RSU1: variants seen among roughly 807,000 people sequenced by gnomAD.
The protein encoded by RSU1 is rsu-1.
RSU1 carries 26 observed loss-of-function variants against 31.1 expected under a neutral mutation model. The observed-to-expected ratio is 0.84, with a 90% CI of 0.61 to 1.16. RSU1 has a LOEUF of 1.16. Among genes scored for constraint, RSU1 ranks in the 50% most tolerant of loss-of-function variants. The pLI is 0.00. For missense variants in RSU1, 320 were observed against 339.1 expected (o/e 0.94, Z 0.44); for synonymous variants, 164 against 136.3 (o/e 1.20, Z -1.41).
intron 8 of RSU1, among the ~76,000 whole-genome samples, chr10:16,605,481 C>A (rs563562223): frequency 6.6e-6 from 1 of 152,290 alleles, no homozygotes; most frequent in Admixed American, 6.5e-5. Flanking sequence ...TGGATCCCAA[C>A]TGGATCATTA....
intron 7 of RSU1, among the ~76,000 whole-genome samples, chr10:16,713,579 G>A (rs751632675): frequency 1.3e-4 from 20 of 151,906 alleles, no homozygotes; most frequent in African/African-American, 1.9e-4. Context: ...TTTCTCATTC[G>A]GATGATGAAT....
intron 2 of RSU1, among the ~76,000 whole-genome samples, chr10:16,803,580 A>C (rs757495930): frequency 6.6e-6 from 1 of 152,194 alleles, no homozygotes; most frequent in Non-Finnish European, 1.5e-5. Context: ...CAACTTCAAA[A>C]CTTAATGTCA....
intron 2 of RSU1, 54 bp from the exon 3 acceptor site, chr10:16,782,138 G>A (rs950794536): frequency 2.2e-5 from 31 of 1,419,322 alleles, no homozygotes; most frequent in Admixed American, 2.1e-4. Context: ...CACTGTATCC[G>A]GATTCTACCT....
chr10:16,800,011 C>T (rs1028789261), intron 2 of RSU1, among the ~76,000 whole-genome samples: 3 of 152,082 alleles, frequency 2.0e-5, no homozygotes, highest in African/African-American at 7.2e-5. Context: ...AAGTTCAAGG[C>T]TCACACAGTA....
At chr10:16,603,655 T>C (rs938478446) in intron 8 of RSU1, among the ~76,000 whole-genome samples, 2 of 152,338 alleles carry the variant, frequency 1.3e-5, no homozygotes, top group African/African-American at 4.8e-5. Context: ...AAGTGCTAAA[T>C]GTTGCAATTT....
At chr10:16,738,818 G>A (rs920631208) in intron 7 of RSU1, among the ~76,000 whole-genome samples, 18 of 152,120 alleles carry the variant, frequency 1.2e-4, no homozygotes, top group East Asian at 3.9e-4. Flanking sequence ...GTTTTCAGCC[G>A]CACATGCATT....
chr10:16,601,114 C>G (rs1189434138), intron 8 of RSU1, among the ~76,000 whole-genome samples: 2 of 152,112 alleles, frequency 1.3e-5, no homozygotes, highest in African/African-American at 4.8e-5. Flanking sequence ...TAATGATTGT[C>G]TCCGAGCAGC....
intron 4 of RSU1, among the ~76,000 whole-genome samples, chr10:16,762,065 C>T (rs1837220730): frequency 6.6e-6 from 1 of 152,102 alleles, no homozygotes; most frequent in African/African-American, 2.4e-5. Context: ...TCTGTGACCT[C>T]ATTGGTCTGT....
chr10:16,724,068 A>C (rs993292590), intron 7 of RSU1, among the ~76,000 whole-genome samples: 1 of 151,892 alleles, frequency 6.6e-6, no homozygotes, highest in Non-Finnish European at 1.5e-5. Context: ...AGCCTCCCCA[A>C]TAGCTGGGAT....
chr10:16,669,270 C>T (rs1412982645), intron 8 of RSU1, among the ~76,000 whole-genome samples: 2 of 152,084 alleles, frequency 1.3e-5, no homozygotes, highest in African/African-American at 4.8e-5. Context: ...TGTGACCACC[C>T]AGAATGTAGA....
intron 2 of RSU1, among the ~76,000 whole-genome samples, chr10:16,785,433 T>TATATAC (rs1554774664): frequency 0.013 from 1,932 of 143,310 alleles, 107 homozygotes; most frequent in East Asian, 0.052. Context: ...TATACATATA[T>TATATAC]ATATATACAC....
chr10:16,653,682 T>A (rs1834724470), intron 8 of RSU1, among the ~76,000 whole-genome samples: 1 of 152,152 alleles, frequency 6.6e-6, no homozygotes, highest in South Asian at 2.1e-4. Flanking sequence ...TTTATTTCAG[T>A]ATGCAATTTG....
At chr10:16,762,904 T>G (rs762919610) in intron 4 of RSU1, among the ~76,000 whole-genome samples, 9 of 151,434 alleles carry the variant, frequency 5.9e-5, no homozygotes, top group Non-Finnish European at 1.3e-4. Context: ...TCCCAGCTAC[T>G]CGGGACGCTG....
chr10:16,764,859 C>T (rs1837281220), intron 3 of RSU1, among the ~76,000 whole-genome samples: 1 of 151,906 alleles, frequency 6.6e-6, no homozygotes, highest in South Asian at 2.1e-4. Context: ...TTATGGTTGT[C>T]ATATACGATC....
At chr10:16,808,169 T>C (rs1351831964) in intron 2 of RSU1, among the ~76,000 whole-genome samples, 2 of 151,822 alleles carry the variant, frequency 1.3e-5, no homozygotes, top group Admixed American at 1.3e-4. Context: ...ACAGCAAACC[T>C]TTCAGACACA....
At chr10:16,712,753 T>C (rs1836047624) in intron 7 of RSU1, among the ~76,000 whole-genome samples, 1 of 152,184 alleles carries the variant, frequency 6.6e-6, no homozygotes, top group South Asian at 2.1e-4. Context: ...CATAGGACCA[T>C]TAAATCACTA....
chr10:16,732,914 C>G (rs545791029), intron 7 of RSU1, among the ~76,000 whole-genome samples: 7 of 152,106 alleles, frequency 4.6e-5, no homozygotes, highest in Admixed American at 4.6e-4. Flanking sequence ...GGTTAACTTC[C>G]AAGGTTGGAA....
chr10:16,598,310 G>A (rs555325393), intron 8 of RSU1, among the ~76,000 whole-genome samples: 4 of 152,124 alleles, frequency 2.6e-5, no homozygotes, highest in East Asian at 1.9e-4. Flanking sequence ...AGGCCAAGGC[G>A]GGAGGATTGC....
rs180933618 is a variant in RSU1, at chr10:16,672,266, C to T, written c.731+22757G>A. ...CAGAGCTTGCAGTGAGCTGAGATCA[C>T]GCCACTGCACTCCAGCCTGGGCGAC... On this transcript the variant is annotated intron_variant, in intron 8 of 8. Transcript: ENST00000345264. 1.5e-3 allele frequency among the ~76,000 whole-genome samples: 235 copies of T among 151,954 alleles called. 5 individuals carry two copies. In the East Asian group the frequency reaches 0.036, roughly 23 times the overall value.
Sources: allele counts gnomAD v4.1 joint callset (sites outside exome capture counted in the v4.1 genomes callset), GRCh38; gene constraint gnomAD v4.1.1; transcripts MANE v1.5; gene names NCBI Gene and HGNC (gene_info 2026-07-23, HGNC 2026-07-21).